The following ALG1L2 variants were observed in gnomAD, a reference collection of about 807,000 sequenced individuals.
ALG1L2 encodes the protein putative glycosyltransferase ALG1L2.
Under a neutral mutation model 29.0 loss-of-function variants are expected in ALG1L2, and 32 were observed. That is an observed-to-expected ratio of 1.10 (90% CI 0.83 to 1.48). The LOEUF is 1.48. Among genes scored for constraint, ALG1L2 ranks in the 40% most tolerant of loss-of-function variants. The pLI is 0.00. For synonymous variants in ALG1L2, 110 were observed against 109.5 expected (o/e 1.00, Z -0.03); for missense variants, 318 against 274.1 (o/e 1.16, Z -1.13).
intron 1 of ALG1L2, among the ~76,000 whole-genome samples, chr3:130,087,382 C>G (rs533284690): frequency 6.8e-6 from 1 of 148,046 alleles, no homozygotes; most frequent in African/African-American, 2.4e-5. Context: ...AACTGAGGAT[C>G]TGTTCCAGGC....
At chr3:130,089,850 A>T (rs79239733) in intron 1 of ALG1L2, among the ~76,000 whole-genome samples, 1 of 152,264 alleles carries the variant, frequency 6.6e-6, no homozygotes. Context: ...ATACCAGCCC[A>T]GCCAACATGG....
chr3:130,085,250 G>A (rs1404325824), intron 1 of ALG1L2, among the ~76,000 whole-genome samples: 23 of 146,832 alleles, frequency 1.6e-4, no homozygotes, highest in African/African-American at 4.6e-4. Flanking sequence ...GTGAGCCACC[G>A]CACCTGGCCT....
At chr3:130,097,032 A>G in intron 6 of ALG1L2, 143 bp from the exon 7 acceptor site, 1 of 1,451,878 alleles carries the variant, frequency 6.9e-7, no homozygotes, top group Non-Finnish European at 9.0e-7. Flanking sequence ...TGCCAAATCT[A>G]AGAACCACCT....
At chr3:130,087,815 A>T (rs181360325) in intron 1 of ALG1L2, among the ~76,000 whole-genome samples, 1 of 147,766 alleles carries the variant, frequency 6.8e-6, no homozygotes, top group African/African-American at 2.4e-5. Flanking sequence ...GACCTTGGCA[A>T]TGCAATAGGA....
chr3:130,095,916 A>T, intron 5 of ALG1L2, 133 bp from the exon 6 acceptor site: 1 of 905,834 alleles, frequency 1.1e-6, no homozygotes, highest in Non-Finnish European at 1.7e-6. Context: ...AGCTTAAGCC[A>T]CTTGTGGTTG....
In ALG1L2 at chr3:130,091,336, G is replaced by A. The variant is rs761563928; in HGVS notation, c.96G>A (p.Met32Ile). Residue 32 changes from methionine (M) to isoleucine (I), a missense_variant, in exon 2 of 8, where the codon ATG (methionine) becomes ATA (isoleucine). Transcript: ENST00000425059. ...TGGACCTGCAGCACCGGCTCTTCAT[G>A]AAGCTGGGCAGCACGCACTCTCCGT... ...APLDLQHRLF[M>I]KLGSTHSPFR... 2 of 1,597,816 alleles carry A rather than the reference G, an allele frequency of 1.3e-6. No homozygotes were observed. The highest frequency in any genetic ancestry group is 1.1e-5 in the South Asian group (1 of 90,986).
At chr3:130,092,304 G>A in intron 3 of ALG1L2, 82 bp downstream of exon 3, 1 of 1,587,702 alleles carries the variant, frequency 6.3e-7, no homozygotes, top group South Asian at 1.1e-5. Flanking sequence ...TGCCAGTCCT[G>A]CATGCCCCAA....
chr3:130,095,502 C>G (rs1432725288), intron 5 of ALG1L2, among the ~76,000 whole-genome samples: 1 of 151,768 alleles, frequency 6.6e-6, no homozygotes, highest in South Asian at 2.1e-4. Context: ...ATGGTGCGAT[C>G]TTGGCTCACT....
intron 6 of ALG1L2, among the ~76,000 whole-genome samples, chr3:130,096,804 G>T (rs1473487749): frequency 6.6e-6 from 1 of 152,214 alleles, no homozygotes; most frequent in African/African-American, 2.4e-5. Flanking sequence ...ATCAAATCTG[G>T]TGTCCTAGAA....
chr3:130,090,174 G>A (rs541615585), intron 1 of ALG1L2, among the ~76,000 whole-genome samples: 2 of 152,408 alleles, frequency 1.3e-5, no homozygotes, highest in South Asian at 2.1e-4. Flanking sequence ...TGGCCAACAT[G>A]GTGAAATCCC....
intron 1 of ALG1L2, chr3:130,089,404 C>A (rs2953784): frequency 2.0e-5 from 3 of 151,934 alleles, no homozygotes; most frequent in Non-Finnish European, 4.4e-5. Flanking sequence ...CCACATGTGG[C>A]TACTGGGCAC....
At position 130,094,347 on chromosome 3, in the gene ALG1L2, G is replaced by A. The variant is rs1051947781; in HGVS notation, c.314-56G>A. ...TAGGGGGGAGTGTCTTGGGCCTGGGGCTATGTGGCAGGGACAGAGACGGGT... is the reference window on the plus strand; with the variant it reads ...TAGGGGGGAGTGTCTTGGGCCTGGGACTATGTGGCAGGGACAGAGACGGGT... On this transcript the variant is annotated intron_variant, in intron 4 of 7. Coordinates refer to ENST00000425059, the MANE Select transcript of ALG1L2 (RefSeq NM_001136152.1). The A allele has an allele frequency of 3.3e-5, 52 of 1,565,890 alleles. No individual in the cohort carries two copies. The African/African-American group carries it at 4.6e-4, about 14-fold the overall frequency.
At chr3:130,092,317 C>A in intron 3 of ALG1L2, 95 bp downstream of exon 3, 2 of 1,590,638 alleles carry the variant, frequency 1.3e-6, no homozygotes, top group Non-Finnish European at 8.6e-7. Context: ...TGCCCCAACC[C>A]CACCACGGTC....
intron 1 of ALG1L2, among the ~76,000 whole-genome samples, chr3:130,087,051 T>C (rs1934904202): frequency 6.7e-6 from 1 of 149,874 alleles, no homozygotes; most frequent in Non-Finnish European, 1.5e-5. Flanking sequence ...CTTACAGCCT[T>C]GTTAGATAAA....
intron 1 of ALG1L2, among the ~76,000 whole-genome samples, chr3:130,085,446 C>G (rs1378934510): frequency 9.3e-6 from 1 of 107,618 alleles, no homozygotes; most frequent in African/African-American, 3.1e-5. Flanking sequence ...CTATGTCTGC[C>G]AGGTTGGTCT....
chr3:130,096,236 T>G, intron 6 of ALG1L2, 73 bp downstream of exon 6: 2 of 1,543,038 alleles, frequency 1.3e-6, no homozygotes, highest in Non-Finnish European at 1.8e-6. Flanking sequence ...CAGTGCAGAG[T>G]GAGCTGCCCA....
intron 5 of ALG1L2, among the ~76,000 whole-genome samples, chr3:130,094,731 C>T (rs1181750497): frequency 6.6e-6 from 1 of 152,218 alleles, no homozygotes; most frequent in Non-Finnish European, 1.5e-5. Context: ...TTTGAGGAAG[C>T]CACGTCCTTT....
chr3:130,088,294 C>G (rs150777491), intron 1 of ALG1L2, among the ~76,000 whole-genome samples: 709 of 152,362 alleles, frequency 4.7e-3, no homozygotes, highest in African/African-American at 0.016. Context: ...CCACCCAAAT[C>G]TCTAATTGTA....
intron 1 of ALG1L2, among the ~76,000 whole-genome samples, chr3:130,088,164 G>C (rs1290826270): frequency 2.0e-5 from 3 of 152,252 alleles, no homozygotes; most frequent in African/African-American, 7.2e-5. Flanking sequence ...TCCCTTGCCT[G>C]TGCCAAGCCT....
Sources: allele counts gnomAD v4.1 joint callset (sites outside exome capture counted in the v4.1 genomes callset), GRCh38; gene constraint gnomAD v4.1.1; transcripts MANE v1.5; gene names NCBI Gene and HGNC (gene_info 2026-07-23, HGNC 2026-07-21).